MAGI1: variants seen among roughly 807,000 people sequenced by gnomAD.
The protein encoded by MAGI1 is membrane-associated guanylate kinase, WW and PDZ domain-containing protein 1.
A neutral mutation model predicts 139.9 loss-of-function variants in MAGI1; 58 were observed. The ratio of observed to expected loss-of-function variants is 0.41; its 90% CI spans 0.34 to 0.52. The LOEUF (loss-of-function observed/expected upper bound fraction) is 0.52, where lower values mean the gene tolerates loss of function less well. Ranked by LOEUF, MAGI1 falls within the 20% of genes least tolerant of loss-of-function variation. The pLI is 0.12. For synonymous variants in MAGI1, 812 were observed against 737.9 expected, an observed-to-expected ratio of 1.10 and a Z score of -1.63; for missense variants, 1,874 against 1,901.6, an observed-to-expected ratio of 0.99 and a Z score of 0.27.
intron 1 of MAGI1, among the ~76,000 whole-genome samples, chr3:65,831,703 T>C (rs1366361618): frequency 1.3e-5 from 2 of 152,232 alleles, no homozygotes; most frequent in Non-Finnish European, 1.5e-5. Context: ...ACATAGATTT[T>C]TGCAAATATT....
In MAGI1 at chr3:65,429,860, C is replaced by G; in HGVS notation, c.1827G>C (p.Arg609Ser). 1 of 1,614,034 alleles carries G rather than the reference C, an allele frequency of 6.2e-7. No homozygotes were observed. Among genetic ancestry groups the G allele is most frequent in the Non-Finnish European group, 8.5e-7 (1 of 1,179,966 alleles). ...TGKVNGMKDA[R>S]PSSPADVASN... Reference sequence around the variant, plus strand: ...AAGCCACGTCCGCTGGGCTGCTTGGCCTGGCATCCTTCATGCCATTGACTT... The same window carrying G: ...AAGCCACGTCCGCTGGGCTGCTTGGGCTGGCATCCTTCATGCCATTGACTT... Residue 609 changes from arginine (R) to serine (S), a missense_variant, in exon 12 of 23, where the codon AGG (arginine) becomes AGC (serine). Arg to Ser is a moderately radical substitution (Grantham distance 110). Transcript: ENST00000402939.
At chr3:65,771,563 A>G (rs1384591088) in intron 1 of MAGI1, among the ~76,000 whole-genome samples, 8 of 152,226 alleles carry the variant, frequency 5.3e-5, no homozygotes, top group Non-Finnish European at 5.9e-5. Flanking sequence ...GTTTAAAACT[A>G]GCTATCAAAA....
At chr3:65,610,294 A>G (rs77874603) in intron 2 of MAGI1, among the ~76,000 whole-genome samples, 4,679 of 152,224 alleles carry the variant, frequency 0.031, 118 homozygotes, top group Admixed American at 0.058. Context: ...AAAAAAGTTA[A>G]TGAAACCTGT....
At chr3:65,612,664 G>T (rs1016876143) in intron 2 of MAGI1, among the ~76,000 whole-genome samples, 24 of 151,996 alleles carry the variant, frequency 1.6e-4, no homozygotes, top group Non-Finnish European at 2.6e-4. Flanking sequence ...TCCTTACTTG[G>T]ACCACAGAAG....
At chr3:65,942,343 G>A (rs1002219927) in intron 1 of MAGI1, among the ~76,000 whole-genome samples, 1 of 152,114 alleles carries the variant, frequency 6.6e-6, no homozygotes, top group Non-Finnish European at 1.5e-5. Flanking sequence ...GCCCAGTAAT[G>A]AGCAAATGAT....
intron 1 of MAGI1, among the ~76,000 whole-genome samples, chr3:65,804,074 G>A (rs1214644144): frequency 1.3e-5 from 2 of 152,030 alleles, no homozygotes; most frequent in South Asian, 2.1e-4. Context: ...AAAACTCTAA[G>A]AACATTCAAG....
intron 2 of MAGI1, among the ~76,000 whole-genome samples, chr3:65,510,843 A>G (rs1329872947): frequency 4.7e-5 from 7 of 147,516 alleles, no homozygotes; most frequent in African/African-American, 1.7e-4. Flanking sequence ...ACTCCAAGAC[A>G]CATAATTGTC....
chr3:65,493,475 G>C (rs758021805), intron 3 of MAGI1, 37 bp downstream of exon 3: 1 of 1,613,898 alleles, frequency 6.2e-7, no homozygotes, highest in Non-Finnish European at 8.5e-7. Context: ...AAGTACCCAG[G>C]AGAGAAGCTT....
At chr3:65,926,726 G>A (rs777478391) in intron 1 of MAGI1, among the ~76,000 whole-genome samples, 3 of 152,254 alleles carry the variant, frequency 2.0e-5, no homozygotes, top group South Asian at 2.1e-4. Context: ...CGGGCGTGGT[G>A]GCTCACACCT....
chr3:65,366,447 A>G (rs1327415556), intron 18 of MAGI1, among the ~76,000 whole-genome samples: 1 of 152,162 alleles, frequency 6.6e-6, no homozygotes, highest in African/African-American at 2.4e-5. Context: ...TGTTTTACCA[A>G]TCATTTCCTA....
At chr3:65,803,586 G>A (rs2040654358) in intron 1 of MAGI1, among the ~76,000 whole-genome samples, 1 of 152,066 alleles carries the variant, frequency 6.6e-6, no homozygotes, top group Non-Finnish European at 1.5e-5. Flanking sequence ...ACATATGCAG[G>A]TTTGTTATAT....
intron 12 of MAGI1, among the ~76,000 whole-genome samples, chr3:65,424,469 G>C (rs1946861409): frequency 1.3e-5 from 2 of 152,102 alleles, no homozygotes; most frequent in African/African-American, 2.4e-5. Context: ...TGTATAATCA[G>C]ACCCTGAAAT....
At chr3:66,033,887 T>C (rs934556046) in intron 1 of MAGI1, among the ~76,000 whole-genome samples, 3 of 152,146 alleles carry the variant, frequency 2.0e-5, no homozygotes, top group Admixed American at 1.3e-4. Flanking sequence ...TCTGGGTGAT[T>C]CATGGAAACA....
intron 5 of MAGI1, among the ~76,000 whole-genome samples, chr3:65,466,190 G>A (rs1950160797): frequency 6.6e-6 from 1 of 152,132 alleles, no homozygotes; most frequent in African/African-American, 2.4e-5. Flanking sequence ...TATGATGGCT[G>A]CGTTAAAATC....
At chr3:65,565,209 A>G (rs2080558110) in intron 2 of MAGI1, among the ~76,000 whole-genome samples, 1 of 152,210 alleles carries the variant, frequency 6.6e-6, no homozygotes, top group Admixed American at 6.5e-5. Context: ...ATCTTTTTCC[A>G]TTCCCTTTTC....
At chr3:65,734,284 A>AC (rs1479729339) in intron 1 of MAGI1, among the ~76,000 whole-genome samples, 1 of 151,932 alleles carries the variant, frequency 6.6e-6, no homozygotes, top group African/African-American at 2.4e-5. Flanking sequence ...ACACAGGGAG[A>AC]CCCTGCCTCT....
intron 1 of MAGI1, among the ~76,000 whole-genome samples, chr3:65,759,065 CAAAAAAAAAAAAAAAAA>C (rs200497203): frequency 1.4e-4 from 10 of 73,084 alleles, no homozygotes; most frequent in South Asian, 5.8e-4. Flanking sequence ...AGGCCCAGTG[CAAAAAAAAAAAAAAAAA>C]AAAAAAAAAA....
At chr3:65,876,985 C>T (rs186286440) in intron 1 of MAGI1, among the ~76,000 whole-genome samples, 26 of 152,160 alleles carry the variant, frequency 1.7e-4, no homozygotes, top group Admixed American at 1.2e-3. Flanking sequence ...CCTCATGATC[C>T]GCCCGCCTCG....
intron 1 of MAGI1, among the ~76,000 whole-genome samples, chr3:65,871,873 C>A (rs911634078): frequency 9.9e-5 from 15 of 152,188 alleles, no homozygotes; most frequent in Admixed American, 6.5e-4. Context: ...GCCCAGAAAG[C>A]CCTGGATGAA....
Sources: gnomAD v4.1 joint callset for allele counts (sites outside exome capture counted in the v4.1 genomes callset) on GRCh38, gnomAD v4.1.1 for gene constraint, MANE v1.5 for transcripts, NCBI Gene and HGNC (gene_info 2026-07-23, HGNC 2026-07-21) for gene names.